EFHD1: variants seen among roughly 807,000 people sequenced by gnomAD.
The protein encoded by EFHD1 is EF-hand domain family member D1.
Under a neutral mutation model 17.2 loss-of-function variants are expected in EFHD1, and 10 were observed. The ratio of observed to expected loss-of-function variants is 0.58; its 90% CI spans 0.36 to 0.99. EFHD1 has a LOEUF of 0.99. EFHD1 is among the 50% of genes least tolerant of loss of function. EFHD1 has a pLI of 0.01. For missense variants in EFHD1, 310 were observed against 327.5 expected (o/e 0.95, Z 0.41); for synonymous variants, 153 against 142.0 (o/e 1.08, Z -0.55).
intron 1 of EFHD1, among the ~76,000 whole-genome samples, chr2:232,656,683 C>T (rs578119859): frequency 2.6e-5 from 4 of 151,900 alleles, no homozygotes; most frequent in Admixed American, 2.6e-4. Flanking sequence ...ACAGTCCTCC[C>T]ACCTCAGCCT....
rs143862631 is a variant in EFHD1, at chr2:232,681,601, C to A, written c.602C>A (p.Ser201Ter). The change falls in exon 4 of 4, where the codon TCG becomes TAG. Residue 201 changes from serine to a stop codon, truncating the protein, a stop_gained. Coordinates refer to ENST00000264059, the MANE Select transcript of EFHD1 (RefSeq NM_025202.4). LOFTEE classifies it high-confidence loss of function. Reference protein sequence around the residue: ...FFEAKVQALSSASKFEAELKA... With the variant: ...FFEAKVQALS ...TCTCTGCAGGTCCAAGCCTTGTCAT[C>A]GGCCAGTAAGTTTGAAGCAGAGTTG... 1 of 1,614,118 alleles carries A rather than the reference C, an allele frequency of 6.2e-7. No homozygotes were observed. The highest frequency in any genetic ancestry group is 8.5e-7 in the Non-Finnish European group (1 of 1,179,986).
intron 1 of EFHD1, among the ~76,000 whole-genome samples, chr2:232,622,936 C>T (rs1297868670): frequency 6.6e-6 from 1 of 152,148 alleles, no homozygotes; most frequent in African/African-American, 2.4e-5. Flanking sequence ...TAATGTTGGA[C>T]ATATATTGGA....
At chr2:232,676,608 G>C (rs941233099) in intron 3 of EFHD1, among the ~76,000 whole-genome samples, 3 of 152,134 alleles carry the variant, frequency 2.0e-5, no homozygotes, top group African/African-American at 7.2e-5. Flanking sequence ...CATGTTGCAG[G>C]CCTCATAGCA....
At chr2:232,617,381 T>G (rs1041713725) in intron 1 of EFHD1, among the ~76,000 whole-genome samples, 2 of 152,170 alleles carry the variant, frequency 1.3e-5, no homozygotes, top group Non-Finnish European at 2.9e-5. Flanking sequence ...CCGGGCGCAG[T>G]GGCTCACGCT....
At chr2:232,626,662 G>T (rs1288183182) in intron 1 of EFHD1, among the ~76,000 whole-genome samples, 1 of 152,154 alleles carries the variant, frequency 6.6e-6, no homozygotes, top group Admixed American at 6.5e-5. Context: ...GCAGATGAAA[G>T]TCTGTTAGTC....
intron 1 of EFHD1, among the ~76,000 whole-genome samples, chr2:232,652,390 C>G (rs1559349265): frequency 6.6e-6 from 1 of 152,078 alleles, no homozygotes; most frequent in Non-Finnish European, 1.5e-5. Flanking sequence ...CTTCTCTAGC[C>G]CCTTCCAAGT....
chr2:232,649,127 G>T (rs913003022), intron 1 of EFHD1, among the ~76,000 whole-genome samples: 1 of 152,216 alleles, frequency 6.6e-6, no homozygotes, highest in African/African-American at 2.4e-5. Context: ...GAAGCCAAGA[G>T]AATAAGTGAC....
At chr2:232,677,264 AACACACACAT>A (rs57855711) in intron 3 of EFHD1, among the ~76,000 whole-genome samples, 6,226 of 52,880 alleles carry the variant, frequency 0.12, 486 homozygotes, top group African/African-American at 0.23. Context: ...ATCTTTCTAT[AACACACACAT>A]ACACACACAC....
At chr2:232,635,481 G>A (rs969484705) in intron 1 of EFHD1, among the ~76,000 whole-genome samples, 3 of 152,208 alleles carry the variant, frequency 2.0e-5, no homozygotes, top group African/African-American at 7.2e-5. Flanking sequence ...CTTGGGAGAC[G>A]AAGCAAGGTG....
intron 1 of EFHD1, among the ~76,000 whole-genome samples, chr2:232,644,077 C>T (rs370714076): frequency 1.6e-4 from 24 of 152,202 alleles, no homozygotes; most frequent in African/African-American, 5.1e-4. Flanking sequence ...CTGTCTGTGT[C>T]GACCGCTCCC....
upstream of EFHD1, among the ~76,000 whole-genome samples, chr2:232,629,688 C>G (rs539553738): frequency 6.6e-6 from 1 of 151,786 alleles, no homozygotes; most frequent in African/African-American, 2.4e-5. Flanking sequence ...AGGCTGGTCT[C>G]GAACTCCTGA....
chr2:232,666,455 G>A (rs1334117408), intron 2 of EFHD1, among the ~76,000 whole-genome samples: 3 of 152,224 alleles, frequency 2.0e-5, no homozygotes, highest in African/African-American at 7.2e-5. Flanking sequence ...GAGCTGTGGT[G>A]AGCTCTGGGA....
chr2:232,618,372 A>G (rs796733331), intron 1 of EFHD1, among the ~76,000 whole-genome samples: 7 of 152,312 alleles, frequency 4.6e-5, no homozygotes, highest in African/African-American at 1.7e-4. Context: ...ATTCCAAAGA[A>G]GATATACAAA....
chr2:232,638,672 A>G (rs555087841), intron 1 of EFHD1, among the ~76,000 whole-genome samples: 1 of 152,192 alleles, frequency 6.6e-6, no homozygotes, highest in African/African-American at 2.4e-5. Context: ...GGCTGCCTGC[A>G]TACTGGCATC....
chr2:232,662,367 C>G (rs1694888173), intron 1 of EFHD1, among the ~76,000 whole-genome samples: 4 of 151,996 alleles, frequency 2.6e-5, no homozygotes, highest in Admixed American at 2.6e-4. Flanking sequence ...TGGGAGAGAA[C>G]CAGGGGCAGT....
intron 1 of EFHD1, among the ~76,000 whole-genome samples, chr2:232,625,748 A>G (rs148203421): frequency 3.3e-4 from 51 of 152,258 alleles, no homozygotes; most frequent in African/African-American, 1.2e-3. Context: ...CAATGTGTTG[A>G]CATTTGTACC....
chr2:232,677,616 A>G (rs532895135), intron 3 of EFHD1, among the ~76,000 whole-genome samples: 1 of 152,254 alleles, frequency 6.6e-6, no homozygotes, highest in African/African-American at 2.4e-5. Flanking sequence ...CCAGCTACTC[A>G]GGAGGCTGAA....
At position 232,613,831 on chromosome 2, in the gene EFHD1, T is replaced by TGC. The variant is rs1553594164; in HGVS notation, c.14+7658_14+7659insGC. On this transcript the variant is annotated intron_variant, in intron 1 of 3. Transcript: ENST00000409613. ...ATACACACATATACACACACAAATA[T>TGC]ACACACATACACACACAAATATATA... is the stretch of plus-strand genomic sequence containing the variant. Among the ~76,000 whole-genome samples the TGC allele has an allele frequency of 3.7e-3, 521 of 142,222 alleles. 3 individuals are homozygous for TGC. Among genetic ancestry groups the TGC allele is most frequent in the African/African-American group, 0.013 (500 of 38,484 alleles). The allele number at this position is 142,222 out of a possible 152,430, so 93.3% of individuals were successfully genotyped here.
At chr2:232,639,290 C>T (rs1035265190) in intron 1 of EFHD1, among the ~76,000 whole-genome samples, 1 of 152,140 alleles carries the variant, frequency 6.6e-6, no homozygotes, top group African/African-American at 2.4e-5. Flanking sequence ...GTCCTTTCCC[C>T]CTTCTCCCTT....
Sources: allele counts gnomAD v4.1 joint callset (sites outside exome capture counted in the v4.1 genomes callset), GRCh38; gene constraint gnomAD v4.1.1; transcripts MANE v1.5; gene names NCBI Gene and HGNC (gene_info 2026-07-23, HGNC 2026-07-21).